Variants in PTPRN2 observed in about 807,000 individuals in gnomAD.
PTPRN2 encodes the protein receptor-type tyrosine-protein phosphatase N2.
In PTPRN2, 74 loss-of-function variants were observed where a neutral mutation model predicts 118.8. The ratio of observed to expected loss-of-function variants is 0.62; its 90% CI spans 0.52 to 0.76. The LOEUF is 0.76. Ranked by LOEUF, PTPRN2 falls within the 30% of genes least tolerant of loss-of-function variation. The pLI is 0.00. For missense variants in PTPRN2, 1,481 were observed against 1,394.4 expected, an observed-to-expected ratio of 1.06 and a Z score of -0.99; for synonymous variants, 641 against 608.0, an observed-to-expected ratio of 1.05 and a Z score of -0.80.
At chr7:158,209,380 C>A (rs766760244) in intron 3 of PTPRN2, among the ~76,000 whole-genome samples, 1 of 151,766 alleles carries the variant, frequency 6.6e-6, no homozygotes, top group African/African-American at 2.4e-5. Flanking sequence ...CAAATGGAAA[C>A]CAAAAAAGAG....
intron 13 of PTPRN2, among the ~76,000 whole-genome samples, chr7:157,672,969 T>TA (rs897937339): frequency 1.3e-5 from 2 of 152,202 alleles, no homozygotes; most frequent in African/African-American, 4.8e-5. Flanking sequence ...TCCTGTACAT[T>TA]AAAAAATCTT....
chr7:158,492,266 G>A (rs1821515213), intron 1 of PTPRN2, among the ~76,000 whole-genome samples: 3 of 152,224 alleles, frequency 2.0e-5, no homozygotes, highest in Admixed American at 2.0e-4. Context: ...ATTCTAGGGT[G>A]CATCTCCAGC....
At chr7:158,098,271 G>T (rs1814819209) in intron 10 of PTPRN2, among the ~76,000 whole-genome samples, 1 of 152,232 alleles carries the variant, frequency 6.6e-6, no homozygotes, top group South Asian at 2.1e-4. Flanking sequence ...TGTGGGCAGG[G>T]GACCCGCAAA....
chr7:158,118,541 C>T (rs1379070246), intron 9 of PTPRN2, among the ~76,000 whole-genome samples: 1 of 152,152 alleles, frequency 6.6e-6, no homozygotes, highest in Non-Finnish European at 1.5e-5. Flanking sequence ...AGAAGTCCCT[C>T]CTCATCATTA....
Position 158,265,096 on chromosome 7 carries a change from C to G in PTPRN2, c.277+51723G>C, listed in dbSNP as rs184996329. 2.1e-3 allele frequency among the ~76,000 whole-genome samples: 315 copies of G among 152,198 alleles called. 2 individuals are homozygous for G. Among genetic ancestry groups the G allele is most frequent in the African/African-American group, 7.4e-3 (306 of 41,524 alleles). ...CTGCTCCAGGTAGGCTACCTCCCAG[C>G]CCCCAAGGTAGTGCATGCTTCGTAT... On this transcript the variant is annotated intron_variant, in intron 3 of 22. Transcript: ENST00000389418.
intron 12 of PTPRN2, among the ~76,000 whole-genome samples, chr7:157,765,014 TTCCA>T (rs111203008): frequency 6.9e-6 from 1 of 145,408 alleles, no homozygotes; most frequent in Admixed American, 6.8e-5. Context: ...TCCATCATTC[TTCCA>T]TCCATCCATC....
chr7:158,302,219 C>T (rs1324124840), intron 3 of PTPRN2, among the ~76,000 whole-genome samples: 1 of 152,194 alleles, frequency 6.6e-6, no homozygotes, highest in Non-Finnish European at 1.5e-5. Flanking sequence ...CCCCAGACAC[C>T]AGCTGTTGAG....
In PTPRN2 at chr7:158,227,719, GTGAAGGATGATCCCA is replaced by G. The variant is rs561298214; in HGVS notation, c.278-22461_278-22447del. Among the ~76,000 whole-genome samples the G allele has an allele frequency of 3.4e-3, 520 of 152,366 alleles. 4 individuals are homozygous for G. The highest frequency in any genetic ancestry group is 4.9e-3 in the Non-Finnish European group (333 of 68,038). On this transcript the variant is annotated intron_variant, in intron 3 of 22. Transcript: ENST00000389418. The stretch of plus-strand genomic sequence containing the variant: ...CAAGGAAAGGGCTGGTGAGCAGAGT[GTGAAGGATGATCCCA>G]TGCAGGAAGCCTGTAGGCTTTGTGA...
chr7:158,333,101 C>CA (rs1804827231), intron 2 of PTPRN2, among the ~76,000 whole-genome samples: 1 of 119,374 alleles, frequency 8.4e-6, no homozygotes, highest in South Asian at 2.4e-4. Flanking sequence ...CCCACGCTCT[C>CA]ACCATAAGAA....
rs556034219 is a variant in PTPRN2 at position 157,789,360 on chromosome 7, C to T, written c.1789-106423G>A. ...TCCCTCCTGGTGGTCCCGGGGCAGC[C>T]AGACCCACCCTGGGACATCCAGGCC... is the stretch of plus-strand genomic sequence containing the variant. On this transcript the variant is annotated intron_variant, in intron 12 of 22. Transcript: ENST00000389418. Among the ~76,000 whole-genome samples, 4 of 152,328 alleles carry T rather than the reference C, an allele frequency of 2.6e-5. No homozygotes were observed. The East Asian group carries it at 5.8e-4, about 22-fold the overall frequency.
Position 157,793,582 on chromosome 7 carries a change from AC to A in PTPRN2, c.1788+105090del, listed in dbSNP as rs1168621262. On this transcript the variant is annotated intron_variant, in intron 12 of 22. Transcript: ENST00000389418. Reference sequence around the variant, plus strand: ...GGGTGGATGCTCGTGGTTCATTCCCACGTGGGATTCTCACATGCTCGCCCTC... The same window carrying A: ...GGGTGGATGCTCGTGGTTCATTCCCAGTGGGATTCTCACATGCTCGCCCTC... Among the ~76,000 whole-genome samples the A allele has an allele frequency of 4.6e-5, 7 of 152,264 alleles. No homozygotes were observed. The East Asian group carries it at 1.4e-3, about 30-fold the overall frequency.
intron 5 of PTPRN2, among the ~76,000 whole-genome samples, chr7:158,177,684 G>T (rs77030049): frequency 0.21 from 31,815 of 152,120 alleles, 3,958 homozygotes; most frequent in African/African-American, 0.36. Flanking sequence ...GAGACTCACT[G>T]TGCTGTTTCA....
chr7:157,688,036 G>T (rs1797279435), intron 12 of PTPRN2, among the ~76,000 whole-genome samples: 1 of 152,204 alleles, frequency 6.6e-6, no homozygotes, highest in Admixed American at 6.5e-5. Flanking sequence ...GCAACTGAAA[G>T]CTATTGTTCC....
At chr7:158,204,743 G>A (rs1402899450) in intron 4 of PTPRN2, among the ~76,000 whole-genome samples, 5 of 152,074 alleles carry the variant, frequency 3.3e-5, no homozygotes, top group Non-Finnish European at 7.4e-5. Flanking sequence ...ATAGTTTTGA[G>A]TACAAAATAA....
chr7:158,436,124 A>G (rs1816558915), intron 2 of PTPRN2, among the ~76,000 whole-genome samples: 1 of 152,210 alleles, frequency 6.6e-6, no homozygotes, highest in South Asian at 2.1e-4. Context: ...TGTAACACGC[A>G]TTATCGCATC....
At chr7:158,577,535 T>C (rs1454286591) in intron 1 of PTPRN2, among the ~76,000 whole-genome samples, 1 of 149,052 alleles carries the variant, frequency 6.7e-6, no homozygotes, top group East Asian at 1.9e-4. Context: ...GCATGGGGCC[T>C]GCACAACACT....
chr7:158,071,409 TTGCTCCTGGTG>T (rs1811574883), intron 11 of PTPRN2, among the ~76,000 whole-genome samples: 11 of 11,122 alleles, frequency 9.9e-4, no homozygotes, highest in Non-Finnish European at 1.4e-3. Context: ...CGTGGTGGAG[TTGCTCCTGGTG>T]GTGGAGGTGC....
intron 12 of PTPRN2, among the ~76,000 whole-genome samples, chr7:157,887,589 A>G (rs1415044474): frequency 3.4e-5 from 1 of 29,232 alleles, no homozygotes; most frequent in Non-Finnish European, 6.4e-5. Flanking sequence ...TGCCCACTCC[A>G]TTACCCACTC....
intron 12 of PTPRN2, among the ~76,000 whole-genome samples, chr7:157,871,400 G>C (rs1252543783): frequency 1.3e-5 from 2 of 152,148 alleles, no homozygotes; most frequent in Non-Finnish European, 2.9e-5. Context: ...TCTGCTTATG[G>C]GAAAGGGCAG....
Sources: allele counts gnomAD v4.1 joint callset (sites outside exome capture counted in the v4.1 genomes callset), GRCh38; gene constraint gnomAD v4.1.1; transcripts MANE v1.5; gene names NCBI Gene and HGNC (gene_info 2026-07-23, HGNC 2026-07-21).